Variants in TTYH2 observed in about 807,000 individuals in gnomAD.
The protein encoded by TTYH2 is protein tweety homolog 2.
In TTYH2, 49 loss-of-function variants were observed where a neutral mutation model predicts 68.3. That is an observed-to-expected ratio of 0.72 (90% confidence interval 0.57 to 0.91). The LOEUF (loss-of-function observed/expected upper bound fraction) is 0.91. Ranked by LOEUF, TTYH2 falls within the 40% of genes least tolerant of loss-of-function variation. TTYH2 has a pLI of 0.00. For missense variants in TTYH2, 631 were observed against 700.4 expected (o/e 0.90, Z 1.12); for synonymous variants, 272 against 300.8 (o/e 0.90, Z 0.99).
Position 74,222,712 on chromosome 17 carries a change from A to G in TTYH2, c.302+55A>G. The stretch of plus-strand genomic sequence containing the variant: ...TGTGTGACTCAGTCTGCAAGGGGCC[A>G]GGGACTGTTTGACCATGTTCTGACG... On this transcript the variant is annotated intron_variant, in intron 2 of 13. Transcript: ENST00000269346. The surrounding 1 kb of genome is among the most constrained non-coding windows in gnomAD (Gnocchi z 5.2). 6.5e-7 allele frequency: 1 copy of G among 1,531,074 alleles called. No individual in the cohort carries two copies. 94.8% of individuals were successfully genotyped at this position (1,531,074 alleles called of 1,614,324 possible).
intron 1 of TTYH2, among the ~76,000 whole-genome samples, chr17:74,220,729 T>C (rs1465318292): frequency 6.6e-6 from 1 of 151,568 alleles, no homozygotes; most frequent in African/African-American, 2.4e-5. Flanking sequence ...CCTGCCACAC[T>C]GTGAGGTCTT....
intron 1 of TTYH2, among the ~76,000 whole-genome samples, chr17:74,220,497 A>C (rs1226588160): frequency 2.0e-5 from 3 of 152,190 alleles, no homozygotes; most frequent in Non-Finnish European, 2.9e-5. Context: ...CAGGGTGGTA[A>C]ACTTTACTTC....
rs1280173257 is a variant in TTYH2 at position 74,239,605 on chromosome 17, A to C, written c.635+2091A>C. Among the ~76,000 whole-genome samples the C allele has an allele frequency of 6.6e-6, 1 of 152,168 alleles. No homozygotes were observed. The highest frequency in any genetic ancestry group is 1.5e-5 in the Non-Finnish European group (1 of 68,016). On this transcript the variant is annotated intron_variant, in intron 4 of 13. Transcript: ENST00000269346. This position sits in a 1 kb window ranked among gnomAD's most constrained non-coding sequence, Gnocchi z 5.3. ...GCAGGTCCCTGAGCAGAGGGAGCTC[A>C]TGAAGTCCCCAGCTCTGGGGGTCCT...
At chr17:74,247,911 T>G (rs1044744531) in intron 6 of TTYH2, 1 of 152,386 alleles carries the variant, frequency 6.6e-6, no homozygotes, top group African/African-American at 2.4e-5. Flanking sequence ...GCTCTGTATC[T>G]GGAGGGGTGT....
intron 11 of TTYH2, among the ~76,000 whole-genome samples, chr17:74,252,848 C>A (rs2050648876): frequency 6.6e-6 from 1 of 152,152 alleles, no homozygotes; most frequent in South Asian, 2.1e-4. Flanking sequence ...TAGTGGGGAC[C>A]CACATGCGCA....
chr17:74,231,138 C>T (rs1324003769), intron 3 of TTYH2, 139 bp downstream of exon 3: 3 of 771,414 alleles, frequency 3.9e-6, no homozygotes, highest in South Asian at 3.5e-5. Context: ...GGACCCCCGC[C>T]TGCGCTGCAG....
intron 2 of TTYH2, among the ~76,000 whole-genome samples, chr17:74,230,089 C>T (rs1176910519): frequency 6.6e-6 from 1 of 152,050 alleles, no homozygotes; most frequent in East Asian, 1.9e-4. Context: ...TGAGATAGCG[C>T]CATTGCACTC....
chr17:74,222,086 C>A lies in TTYH2; in HGVS notation c.130-399C>A, dbSNP rs913850626. 6.6e-6 allele frequency among the ~76,000 whole-genome samples: 1 copy of A among 152,106 alleles called. No individual in the cohort carries two copies. The highest frequency in any genetic ancestry group is 6.5e-5 in the Admixed American group (1 of 15,284). On this transcript the variant is annotated intron_variant, in intron 1 of 13. Coordinates refer to ENST00000269346, the MANE Select transcript of TTYH2 (RefSeq NM_032646.6). This position sits in a 1 kb window ranked among gnomAD's most constrained non-coding sequence, Gnocchi z 5.2. ...ACGGTATCCCTCTCCTTGCCTTTTTCCCTTGGCCATGGAGCTCACCACCCA... is the reference window on the plus strand; with the variant it reads ...ACGGTATCCCTCTCCTTGCCTTTTTACCTTGGCCATGGAGCTCACCACCCA...
intron 6 of TTYH2, 79 bp downstream of exon 6, chr17:74,244,128 C>T: frequency 7.3e-7 from 1 of 1,374,184 alleles, no homozygotes; most frequent in Non-Finnish European, 1.0e-6. Context: ...GCAGGGCCAG[C>T]TTCCGGTCCC....
Position 74,241,705 on chromosome 17 carries a change from G to A in TTYH2, c.636-1669G>A, listed in dbSNP as rs531565321. Among the ~76,000 whole-genome samples, 29 of 152,328 alleles carry A rather than the reference G, an allele frequency of 1.9e-4. No individual in the cohort carries two copies. The highest frequency in any genetic ancestry group is 6.7e-4 in the African/African-American group (28 of 41,572). ...AGAAAACCATTGCTGGAGAGGAGAGGTCAGCGACTTTACTTGGCTCTTGCA... is the reference window on the plus strand; with the variant it reads ...AGAAAACCATTGCTGGAGAGGAGAGATCAGCGACTTTACTTGGCTCTTGCA... On this transcript the variant is annotated intron_variant, in intron 4 of 13. Transcript: ENST00000269346. This position sits in a 1 kb window ranked among gnomAD's most constrained non-coding sequence, Gnocchi z 4.1.
Position 74,249,407 on chromosome 17 carries a change from C to T in TTYH2, c.930+8C>T. The stretch of plus-strand genomic sequence containing the variant: ...AGCAGCCCCTTCCAGCAGGTATGGC[C>T]CCCCGAGGCCTGCCCTCACCCTGCC... On this transcript the variant is annotated splice_region_variant and intron_variant, in intron 8 of 13. Coordinates refer to ENST00000269346, the MANE Select transcript of TTYH2 (RefSeq NM_032646.6). 1 of 1,613,596 alleles carries T rather than the reference C, an allele frequency of 6.2e-7. No individual in the cohort carries two copies. Among genetic ancestry groups the T allele is most frequent in the African/African-American group, 1.3e-5 (1 of 75,042 alleles).
intron 6 of TTYH2, among the ~76,000 whole-genome samples, chr17:74,245,790 G>A (rs2050551741): frequency 6.6e-6 from 1 of 152,228 alleles, no homozygotes; most frequent in Non-Finnish European, 1.5e-5. Flanking sequence ...TCCCGGGGTT[G>A]TTGTGGAGAG....
chr17:74,233,859 T>C (rs1481883027), intron 3 of TTYH2, among the ~76,000 whole-genome samples: 1 of 152,064 alleles, frequency 6.6e-6, no homozygotes, highest in East Asian at 1.9e-4. Context: ...CCAGGCTCTC[T>C]CATGTGAGTC....
chr17:74,224,527 T>C (rs1413835252), intron 2 of TTYH2, among the ~76,000 whole-genome samples: 1 of 152,112 alleles, frequency 6.6e-6, no homozygotes, highest in Non-Finnish European at 1.5e-5. Context: ...TTATCTGCAG[T>C]GTAGGGAAAA....
In TTYH2 at chr17:74,252,224, C is replaced by T. The variant is rs4789639; in HGVS notation, c.1117-10C>T. ...CCTTCACTAGCTGCATGTCCCTCCT[C>T]TTCCTCCAGGATTATCTGGACGCTC... On this transcript the variant is annotated splice_polypyrimidine_tract_variant and intron_variant, in intron 10 of 13. Coordinates refer to ENST00000269346, the MANE Select transcript of TTYH2 (RefSeq NM_032646.6). 0.4 allele frequency: 640,191 copies of T among 1,611,306 alleles called. 130,821 individuals are homozygous for T. The highest frequency in any genetic ancestry group is 0.54 in the African/African-American group (40,534 of 74,958).
chr17:74,233,831 G>A (rs375052528), intron 3 of TTYH2, among the ~76,000 whole-genome samples: 16 of 152,284 alleles, frequency 1.1e-4, no homozygotes, highest in African/African-American at 3.4e-4. Context: ...CCTGTACCTG[G>A]TAGCCAGCAC....
At position 74,230,901 on chromosome 17, in the gene TTYH2, G is replaced by A. The variant is rs150215307; in HGVS notation, c.316G>A (p.Val106Ile). The A allele has an allele frequency of 8.6e-4, 1,381 of 1,614,068 alleles. 11 individuals are homozygous for A. In the African/African-American group the frequency reaches 0.016, roughly 18 times the overall value. The part of the protein sequence containing the change: ...AGLICCAAVG[V>I]GFYGNSETND... ...TCTTGCTTATAGTGCTGCGGTGGGC[G>A]TTGGTTTCTATGGAAACAGCGAGAC... The change falls in exon 3 of 14, where the codon GTT (valine) becomes ATT (isoleucine). Residue 106 changes from valine to isoleucine, a missense_variant. Physicochemically the swap from Val to Ile is conservative, Grantham distance 29. Coordinates refer to ENST00000269346, the MANE Select transcript of TTYH2 (RefSeq NM_032646.6).
At chr17:74,248,277 G>T in intron 6 of TTYH2, 1 of 985,710 alleles carries the variant, frequency 1.0e-6, no homozygotes, top group Non-Finnish European at 1.2e-6. Flanking sequence ...GCCAGATCTG[G>T]GGTGCGCCTG....
Position 74,222,692 on chromosome 17 carries a change from G to A in TTYH2, c.302+35G>A, listed in dbSNP as rs755894132. 1 of 1,579,550 alleles carries A rather than the reference G, an allele frequency of 6.3e-7. No individual in the cohort carries two copies. Among genetic ancestry groups the A allele is most frequent in the South Asian group, 1.1e-5 (1 of 87,838 alleles). On this transcript the variant is annotated intron_variant, in intron 2 of 13. Transcript: ENST00000269346. This position sits in a 1 kb window ranked among gnomAD's most constrained non-coding sequence, Gnocchi z 5.2. ...CCTGGACGCTGGGCTTGGGGTGTGT[G>A]ACTCAGTCTGCAAGGGGCCAGGGAC...
Sources: gnomAD v4.1 joint callset for allele counts (sites outside exome capture counted in the v4.1 genomes callset) on GRCh38, gnomAD v4.1.1 for gene constraint, Gnocchi (gnomAD v3.1) non-coding constraint, MANE v1.5 for transcripts, NCBI Gene and HGNC (gene_info 2026-07-23, HGNC 2026-07-21) for gene names.